The following GRK3 variants were observed in gnomAD, a reference collection of about 807,000 sequenced individuals.
The protein encoded by GRK3 is G protein-coupled receptor kinase 3.
GRK3 carries 54 observed loss-of-function variants against 95.7 expected under a neutral mutation model. The ratio of observed to expected loss-of-function variants is 0.56; its 90% confidence interval spans 0.45 to 0.71. The LOEUF is 0.71. Among genes scored for constraint, GRK3 ranks in the 30% least tolerant of loss-of-function variants. The pLI is 0.00. For missense variants in GRK3, 649 were observed against 851.2 expected (o/e 0.76, Z 2.96); for synonymous variants, 281 against 290.8 (o/e 0.97, Z 0.34).
rs1480618057 is a variant in GRK3 at position 25,728,346 on chromosome 22, C to G, written c.*5896C>G. ...GCTTCTTGCTTGTTGACAAGTACCG[C>G]AAAGGCTTTATTCTGGACTGGCTAT... On this transcript the variant is annotated 3_prime_UTR_variant, in exon 21 of 21. Transcript: ENST00000324198. 6.6e-6 allele frequency: 1 copy of G among 152,218 alleles called. No homozygotes were observed. Among genetic ancestry groups the G allele is most frequent in the Non-Finnish European group, 1.5e-5 (1 of 68,046 alleles). 9.4% of individuals were successfully genotyped at this position (152,218 alleles called of 1,614,324 possible). A position where few individuals can be genotyped will look rare whatever the true frequency, so the allele number is the denominator to read the frequency against.
At chr22:25,612,506 A>ATGTGTGTGTGTGTT (rs2084505983) in intron 2 of GRK3, among the ~76,000 whole-genome samples, 1 of 125,920 alleles carries the variant, frequency 7.9e-6, no homozygotes, top group Non-Finnish European at 1.5e-5. Flanking sequence ...GTATGTCTGC[A>ATGTGTGTGTGTGTT]TGTGTGTGTG....
chr22:25,678,512 G>A (rs754070110), intron 8 of GRK3, among the ~76,000 whole-genome samples: 43 of 152,174 alleles, frequency 2.8e-4, no homozygotes, highest in Non-Finnish European at 3.4e-4. Flanking sequence ...ACAATTCCTA[G>A]CTGCTAAATA....
chr22:25,708,186 G>A (rs111571449), intron 15 of GRK3, among the ~76,000 whole-genome samples: 5,290 of 152,170 alleles, frequency 0.035, 124 homozygotes, highest in African/African-American at 0.07. Flanking sequence ...GGCGGAGGTT[G>A]CAGTGAGCCG....
rs113713677 is a variant in GRK3 at position 25,647,728 on chromosome 22, G to T, written c.264+3063G>T. On this transcript the variant is annotated intron_variant, in intron 3 of 20. Transcript: ENST00000324198. ...AGCGCCTGCAGATTCCATTCAGGCA[G>T]AAGAATGGTATTTTGGCAAAATGGG... 3.0e-3 allele frequency: 3,927 copies of T among 1,294,870 alleles called. 62 individuals carry two copies. Among genetic ancestry groups the T allele is most frequent in the South Asian group, 0.025 (2,107 of 84,446 alleles). 80.2% of individuals were successfully genotyped at this position (1,294,870 alleles called of 1,614,324 possible).
intron 2 of GRK3, among the ~76,000 whole-genome samples, chr22:25,621,044 T>C (rs1019051991): frequency 2.6e-5 from 4 of 152,232 alleles, no homozygotes; most frequent in Non-Finnish European, 5.9e-5. Flanking sequence ...ATACTAGAGG[T>C]GTTCATCCAA....
chr22:25,618,043 G>C (rs2084553530), intron 2 of GRK3, among the ~76,000 whole-genome samples: 1 of 152,236 alleles, frequency 6.6e-6, no homozygotes, highest in Admixed American at 6.5e-5. Context: ...AAAGTGCTGG[G>C]ATTACAGGCG....
chr22:25,636,020 T>A (rs2050509330), intron 2 of GRK3, among the ~76,000 whole-genome samples: 1 of 152,212 alleles, frequency 6.6e-6, no homozygotes, highest in Non-Finnish European at 1.5e-5. Flanking sequence ...TTTATTTTGA[T>A]GTTCAAATTT....
At chr22:25,660,906 GCA>G (rs1274454051) in intron 3 of GRK3, among the ~76,000 whole-genome samples, 4 of 152,156 alleles carry the variant, frequency 2.6e-5, no homozygotes, top group Non-Finnish European at 4.4e-5. Flanking sequence ...TATTTCTAAA[GCA>G]CAGTTTCATT....
chr22:25,650,014 CAG>C (rs1303756880), intron 3 of GRK3, among the ~76,000 whole-genome samples: 1 of 147,170 alleles, frequency 6.8e-6, no homozygotes, highest in Non-Finnish European at 1.5e-5. Flanking sequence ...TTTTTTGAGA[CAG>C]AGTCTTACCC....
At chr22:25,672,379 T>A in intron 7 of GRK3, 32 bp downstream of exon 7, 1 of 1,208,588 alleles carries the variant, frequency 8.3e-7, no homozygotes, top group Non-Finnish European at 1.2e-6. Context: ...TTTCATTTTT[T>A]AAATAAAAAC....
chr22:25,599,464 T>C lies in GRK3; in HGVS notation c.114-4913T>C, dbSNP rs367563523. Among the ~76,000 whole-genome samples, 463 of 151,072 alleles carry C rather than the reference T, an allele frequency of 3.1e-3. 2 individuals are homozygous for C. Among genetic ancestry groups the C allele is most frequent in the Middle Eastern group, 6.8e-3 (2 of 294 alleles). On this transcript the variant is annotated intron_variant, in intron 1 of 20. Transcript: ENST00000324198. ...AATATTAGCCGGGCGTGGTGGCGGG[T>C]GCCTATAGTCTCAGCTACTCGGGAG...
chr22:25,622,395 A>G (rs944610050), intron 2 of GRK3, among the ~76,000 whole-genome samples: 1 of 152,214 alleles, frequency 6.6e-6, no homozygotes, highest in African/African-American at 2.4e-5. Context: ...GACCTGAAGG[A>G]GACCGAGTAG....
intron 9 of GRK3, among the ~76,000 whole-genome samples, chr22:25,681,875 G>C (rs956399008): frequency 6.6e-6 from 1 of 152,072 alleles, no homozygotes; most frequent in African/African-American, 2.4e-5. Flanking sequence ...ATCAAGGCAG[G>C]CCGTCTTATC....
chr22:25,627,492 A>AT lies in GRK3; in HGVS notation c.191-17098dup, dbSNP rs563262447. Among the ~76,000 whole-genome samples the AT allele has an allele frequency of 1.2e-4, 18 of 152,310 alleles. No individual in the cohort carries two copies. The East Asian group carries it at 3.3e-3, about 28-fold the overall frequency. ...ATTTCCTGCCTTTGAGCACTGATTCATTCTTTCTCCTGACTCTATAGCCCG... is the reference window on the plus strand; with the variant it reads ...ATTTCCTGCCTTTGAGCACTGATTCATTTCTTTCTCCTGACTCTATAGCCCG... On this transcript the variant is annotated intron_variant, in intron 2 of 20. Transcript: ENST00000324198.
At chr22:25,624,977 C>T (rs565154531) in intron 2 of GRK3, among the ~76,000 whole-genome samples, 409 of 149,640 alleles carry the variant, frequency 2.7e-3, no homozygotes, top group African/African-American at 9.5e-3. Context: ...AGTGCAGTGA[C>T]GTGATCTTGG....
intron 1 of GRK3, among the ~76,000 whole-genome samples, chr22:25,601,944 G>A (rs1384288120): frequency 1.3e-5 from 2 of 152,158 alleles, no homozygotes; most frequent in East Asian, 3.8e-4. Context: ...GACTTCTTAG[G>A]ACAGACTGTC....
At chr22:25,609,045 C>G (rs1464258448) in intron 2 of GRK3, among the ~76,000 whole-genome samples, 1 of 152,128 alleles carries the variant, frequency 6.6e-6, no homozygotes, top group Admixed American at 6.5e-5. Context: ...CCCTAACTTG[C>G]TGCCAGTAAA....
At chr22:25,645,991 C>T (rs1054614317) in intron 3 of GRK3, among the ~76,000 whole-genome samples, 5 of 151,820 alleles carry the variant, frequency 3.3e-5, no homozygotes, top group Admixed American at 1.3e-4. Flanking sequence ...CCCAACCTAG[C>T]GCCATCCCTC....
chr22:25,709,124 A>T (rs921213392), intron 15 of GRK3, among the ~76,000 whole-genome samples: 2 of 150,108 alleles, frequency 1.3e-5, no homozygotes, highest in African/African-American at 4.9e-5. Context: ...TGCAAGCTCC[A>T]CCTCCCGGGT....
Sources: gnomAD v4.1 joint callset for allele counts (sites outside exome capture counted in the v4.1 genomes callset) on GRCh38, gnomAD v4.1.1 for gene constraint, MANE v1.5 for transcripts, NCBI Gene and HGNC (gene_info 2026-07-23, HGNC 2026-07-21) for gene names.